The following TDRKH variants were observed in gnomAD, a reference collection of about 807,000 sequenced individuals.
TDRKH encodes the protein tudor and KH domain containing.
In TDRKH, 28 loss-of-function variants were observed where a neutral mutation model predicts 61.3. The ratio of observed to expected loss-of-function variants is 0.46; its 90% CI spans 0.34 to 0.63. The LOEUF is 0.63. TDRKH is among the 20% of genes least tolerant of loss of function. The pLI is 0.01. For synonymous variants in TDRKH, 219 were observed against 244.4 expected (o/e 0.90, Z 0.97); for missense variants, 540 against 683.4 (o/e 0.79, Z 2.34).
intron 1 of TDRKH, among the ~76,000 whole-genome samples, chr1:151,788,635 A>T (rs1650579567): frequency 6.6e-6 from 1 of 152,232 alleles, no homozygotes. Flanking sequence ...TAAGGGATAG[A>T]AAAGGATTGA....
downstream of TDRKH, chr1:151,766,580 A>C (rs762522106): frequency 4.7e-5 from 38 of 802,130 alleles, no homozygotes; most frequent in Non-Finnish European, 6.7e-5. Context: ...TAAGCAGCAG[A>C]GTGGAGTCCT....
intron 6 of TDRKH, among the ~76,000 whole-genome samples, 161 bp from the exon 7 acceptor site, chr1:151,776,760 G>T (rs1649222943): frequency 1.3e-5 from 2 of 152,188 alleles, no homozygotes; most frequent in South Asian, 4.1e-4. Flanking sequence ...CCTAAAGAAA[G>T]ATACTAAGCT....
chr1:151,774,194 C>G lies in TDRKH; in HGVS notation c.*258G>C, dbSNP rs889002874. The stretch of plus-strand genomic sequence containing the variant: ...CTGCATGGATCCTTTATCATACACT[C>G]CTCTCCTCCATGCACCAATTCCTAT... On this transcript the variant is annotated 3_prime_UTR_variant, in exon 13 of 13. Transcript: ENST00000368824. The G allele has an allele frequency of 2.1e-5, 11 of 516,776 alleles. No individual in the cohort carries two copies. The highest frequency in any genetic ancestry group is 7.2e-5 in the Admixed American group (2 of 27,856). The allele number at this position is 516,776 out of a possible 1,614,324, so 32.0% of individuals were successfully genotyped here.
chr1:151,767,305 T>G, downstream of TDRKH: 1 of 1,613,172 alleles, frequency 6.2e-7, no homozygotes. Context: ...ATTCGGTAAG[T>G]GGACTGTGAG....
Position 151,774,781 on chromosome 1 carries a change from C to A in TDRKH, c.1562G>T (p.Ser521Ile). Residue 521 changes from serine to isoleucine, a missense_variant, in exon 12 of 13, where the codon AGC becomes ATC. Transcript: ENST00000368824. The stretch of plus-strand genomic sequence containing the variant: ...CTTTTTGGTCTCAGTGAGCAACGTG[C>A]TGAGAGAGGCATCTGTTTCTGTGGC... ...DMATETDASL[S>I]TLLTETKKSS... The A allele has an allele frequency of 6.2e-7, 1 of 1,614,130 alleles. No individual in the cohort carries two copies. Among genetic ancestry groups the A allele is most frequent in the Admixed American group, 1.7e-5 (1 of 60,032 alleles).
Position 151,779,868 on chromosome 1 carries a change from G to A in TDRKH, c.421+83C>T, listed in dbSNP as rs1032877775. The A allele has an allele frequency of 4.7e-5, 66 of 1,417,084 alleles. 2 individuals are homozygous for A. The South Asian group carries it at 9.3e-4, about 20-fold the overall frequency. 87.8% of individuals were successfully genotyped at this position (1,417,084 alleles called of 1,614,324 possible). A position where few individuals can be genotyped will look rare whatever the true frequency, so the allele number is the denominator to read the frequency against. On this transcript the variant is annotated intron_variant, in intron 4 of 12. Transcript: ENST00000368824. The stretch of plus-strand genomic sequence containing the variant: ...CCCTCACATGGTGAAGGGGAACTAG[G>A]CCAGAAAAAACCCTGGGAAGGTGTG...
Position 151,779,256 on chromosome 1 carries a change from T to C in TDRKH, c.422-14A>G, listed in dbSNP as rs1254634082. On this transcript the variant is annotated splice_polypyrimidine_tract_variant and intron_variant, in intron 4 of 12. Coordinates refer to ENST00000368824, the MANE Select transcript of TDRKH (RefSeq NM_001083965.2). ...CGCCGCCTCTCCCTACATTAAACAA[T>C]ATATAAAAACCTGCCCTTCCCTCCT... The C allele has an allele frequency of 6.2e-7, 1 of 1,612,412 alleles. No individual in the cohort carries two copies. Among genetic ancestry groups the C allele is most frequent in the Non-Finnish European group, 8.5e-7 (1 of 1,179,576 alleles).
At chr1:151,787,633 A>T (rs1650449350) in intron 1 of TDRKH, among the ~76,000 whole-genome samples, 1 of 152,024 alleles carries the variant, frequency 6.6e-6, no homozygotes, top group Non-Finnish European at 1.5e-5. Flanking sequence ...CAGAAGGAGG[A>T]AGAAGAATTT....
chr1:151,781,328 A>AAAAAAAATATATATATATAT (rs1491536697), intron 3 of TDRKH, among the ~76,000 whole-genome samples, 153 bp downstream of exon 3: 1 of 68,600 alleles, frequency 1.5e-5, no homozygotes, highest in Non-Finnish European at 3.4e-5. Flanking sequence ...AAAAAAAAAA[A>AAAAAAAATATATATATATAT]ATATATATAT....
At chr1:151,785,562 A>G (rs551752228) in intron 1 of TDRKH, among the ~76,000 whole-genome samples, 2 of 152,302 alleles carry the variant, frequency 1.3e-5, no homozygotes, top group East Asian at 3.9e-4. Flanking sequence ...CAAATTACAT[A>G]ATTTTATTTT....
At chr1:151,768,956 C>T (rs567462466), downstream of TDRKH, among the ~76,000 whole-genome samples, 49 of 151,954 alleles carry the variant, frequency 3.2e-4, no homozygotes, top group African/African-American at 1.0e-3. Context: ...GGACACAGCA[C>T]GTTTCAGAGA....
At chr1:151,772,475 C>T (rs563747695), downstream of TDRKH, among the ~76,000 whole-genome samples, 3 of 152,040 alleles carry the variant, frequency 2.0e-5, no homozygotes, top group Middle Eastern at 3.4e-3. Context: ...TAGAGGTAGA[C>T]GTTACTAATC....
At position 151,774,275 on chromosome 1, in the gene TDRKH, G is replaced by T; in HGVS notation, c.*177C>A. 1 of 633,768 alleles carries T rather than the reference G, an allele frequency of 1.6e-6. No individual in the cohort carries two copies. Among genetic ancestry groups the T allele is most frequent in the Non-Finnish European group, 2.7e-6 (1 of 370,338 alleles). The allele number at this position is 633,768 out of a possible 1,614,324, so 39.3% of individuals were successfully genotyped here. On this transcript the variant is annotated 3_prime_UTR_variant, in exon 13 of 13. Coordinates refer to ENST00000368824, the MANE Select transcript of TDRKH (RefSeq NM_001083965.2). ...AAAAGCTTGAAAGTGCTCAATCTGA[G>T]AGCAAGTTAAGCTGCAGGAAAGCAG... is the stretch of plus-strand genomic sequence containing the variant.
downstream of TDRKH, chr1:151,770,519 G>T (rs1446414716): frequency 2.4e-6 from 1 of 415,312 alleles, no homozygotes; most frequent in Non-Finnish European, 4.3e-6. Flanking sequence ...CCATTCAAGG[G>T]ATGTGGCCAG....
chr1:151,766,637 G>A, downstream of TDRKH: 1 of 1,507,998 alleles, frequency 6.6e-7, no homozygotes, highest in Non-Finnish European at 9.0e-7. Context: ...AGTGCCCACT[G>A]GGTCACAATG....
rs992090536 is a variant in TDRKH at position 151,776,727 on chromosome 1, C to T, written c.884-128G>A. On this transcript the variant is annotated intron_variant, in intron 6 of 12. Coordinates refer to ENST00000368824, the MANE Select transcript of TDRKH (RefSeq NM_001083965.2). ...CATTTTAAAATGGCAGGAGAGGCAACTGGATGAATCAAACAAGAATATCCT... is the reference window on the plus strand; with the variant it reads ...CATTTTAAAATGGCAGGAGAGGCAATTGGATGAATCAAACAAGAATATCCT... The T allele has an allele frequency of 3.9e-6, 4 of 1,020,940 alleles. No homozygotes were observed. In the African/African-American group the frequency reaches 6.5e-5, roughly 17 times the overall value. The allele number at this position is 1,020,940 out of a possible 1,614,324, so 63.2% of individuals were successfully genotyped here.
intron 3 of TDRKH, 65 bp from the exon 4 acceptor site, chr1:151,780,205 C>A: frequency 1.3e-6 from 2 of 1,531,798 alleles, no homozygotes; most frequent in Non-Finnish European, 1.8e-6. Context: ...CAGCTACAGA[C>A]ACTCTAAAAC....
chr1:151,767,096 C>T, downstream of TDRKH: 1 of 1,585,786 alleles, frequency 6.3e-7, no homozygotes, highest in Non-Finnish European at 8.6e-7. Flanking sequence ...CATGCCAGAG[C>T]CTGGTACTGT....
chr1:151,785,296 A>G (rs1650211070), intron 1 of TDRKH, among the ~76,000 whole-genome samples: 1 of 152,184 alleles, frequency 6.6e-6, no homozygotes, highest in Non-Finnish European at 1.5e-5. Flanking sequence ...GCCTGTCAAC[A>G]AATCTTATTT....
Sources: gnomAD v4.1 joint callset for allele counts (sites outside exome capture counted in the v4.1 genomes callset) on GRCh38, gnomAD v4.1.1 for gene constraint, MANE v1.5 for transcripts, NCBI Gene and HGNC (gene_info 2026-07-23, HGNC 2026-07-21) for gene names.